Variants in ZBTB46 observed in about 807,000 individuals in gnomAD.
The protein encoded by ZBTB46 is zinc finger and BTB domain-containing protein 46.
ZBTB46 carries 8 observed loss-of-function variants against 44.1 expected under a neutral mutation model. That is an observed-to-expected ratio of 0.18 (90% CI 0.11 to 0.33). The LOEUF is 0.33. Ranked by LOEUF, ZBTB46 falls within the 10% of genes least tolerant of loss-of-function variation. The pLI is 1.00. For missense variants in ZBTB46, 651 were observed against 847.7 expected, an observed-to-expected ratio of 0.77 and a Z score of 2.88; for synonymous variants, 409 against 382.3, an observed-to-expected ratio of 1.07 and a Z score of -0.81.
intron 3 of ZBTB46, among the ~76,000 whole-genome samples, chr20:63,774,916 G>A (rs2092411141): frequency 6.6e-6 from 1 of 152,064 alleles, no homozygotes; most frequent in Admixed American, 6.5e-5. Context: ...TGTTGGCCAA[G>A]ATGGTCTCGA....
intron 1 of ZBTB46, 73 bp from the exon 2 acceptor site, chr20:63,790,863 C>T: frequency 2.1e-6 from 3 of 1,448,624 alleles, no homozygotes; most frequent in Non-Finnish European, 2.7e-6. Context: ...GGGCGGGGCG[C>T]AGGAGGGCCA....
Position 63,790,086 on chromosome 20 carries a change from C to T in ZBTB46, c.672G>A (p.Gly224=). 1 of 1,614,064 alleles carries T rather than the reference C, an allele frequency of 6.2e-7. No homozygotes were observed. The highest frequency in any genetic ancestry group is 1.1e-5 in the South Asian group (1 of 91,080). ...CCTGCTCTTCCTTGATGCGCAGAGG[C>T]CCGTAGCCCACGTCTCCAGGCCATA... ...QPLWPGDVGY[G]PLRIKEEQVS... Residue 224 remains glycine (G), a synonymous_variant, in exon 2 of 5, where the codon GGG becomes GGA. Transcript: ENST00000245663.
chr20:63,820,505 C>T (rs571451744), intron 1 of ZBTB46, among the ~76,000 whole-genome samples: 238 of 151,854 alleles, frequency 1.6e-3, no homozygotes, highest in African/African-American at 5.6e-3. Context: ...GGTGCAATCT[C>T]GGCTCACACA....
intron 1 of ZBTB46, among the ~76,000 whole-genome samples, chr20:63,816,025 AGGTGGGCACAGGTGC>A (rs1333099738): frequency 6.8e-6 from 1 of 147,530 alleles, no homozygotes; most frequent in Non-Finnish European, 1.5e-5. Context: ...CAGTGGGCGC[AGGTGGGCACAGGTGC>A]GGTGGGTGCA....
At chr20:63,764,679 C>G (rs145087811) in intron 3 of ZBTB46, among the ~76,000 whole-genome samples, 1 of 151,128 alleles carries the variant, frequency 6.6e-6, no homozygotes, top group East Asian at 2.0e-4. Flanking sequence ...CTCAGCTCAC[C>G]GCATCCTCCA....
chr20:63,771,299 A>G (rs1428969041), intron 3 of ZBTB46, among the ~76,000 whole-genome samples: 1 of 151,984 alleles, frequency 6.6e-6, no homozygotes, highest in Non-Finnish European at 1.5e-5. Flanking sequence ...ACAAGCTGCA[A>G]TGAGCTGCCC....
At chr20:63,822,791 A>G (rs2092799547) in intron 1 of ZBTB46, among the ~76,000 whole-genome samples, 4 of 152,122 alleles carry the variant, frequency 2.6e-5, no homozygotes, top group Non-Finnish European at 4.4e-5. Flanking sequence ...AGGCAGGATG[A>G]ATGCTTGAGC....
At chr20:63,775,431 C>T (rs1245916792) in intron 3 of ZBTB46, 1 of 437,068 alleles carries the variant, frequency 2.3e-6, no homozygotes, top group Non-Finnish European at 4.0e-6. Context: ...AAGCACTCGG[C>T]TGCTCCCCTG....
At chr20:63,828,635 T>G (rs1299669905) in intron 1 of ZBTB46, among the ~76,000 whole-genome samples, 1 of 152,250 alleles carries the variant, frequency 6.6e-6, no homozygotes, top group Non-Finnish European at 1.5e-5. Flanking sequence ...AGAACGGTAC[T>G]TAGGCAAGAA....
At position 63,747,089 on chromosome 20, in the gene ZBTB46, G is replaced by A. The variant is rs769312528; in HGVS notation, c.1611C>T (p.Asp537=). Residue 537 remains aspartate (D), a synonymous_variant, in exon 5 of 5, where the codon GAC becomes GAT. Transcript: ENST00000245663. ...LFPGDGPYLE[D]PEDPRGEAEE... ...CCGCCTCCCCTCGTGGGTCCTCAGGGTCCTCCAGATAGGGCCCGTCGCCTG... is the reference window on the plus strand; with the variant it reads ...CCGCCTCCCCTCGTGGGTCCTCAGGATCCTCCAGATAGGGCCCGTCGCCTG... 5.6e-6 allele frequency: 9 copies of A among 1,609,374 alleles called. No homozygotes were observed. The East Asian group carries it at 1.6e-4, about 28-fold the overall frequency.
chr20:63,821,245 C>T (rs1415777481), intron 1 of ZBTB46, among the ~76,000 whole-genome samples: 1 of 150,402 alleles, frequency 6.6e-6, no homozygotes, highest in Non-Finnish European at 1.5e-5. Context: ...AACTCCTAAC[C>T]TCAGGATCCA....
At chr20:63,820,250 C>T (rs2092783700) in intron 1 of ZBTB46, among the ~76,000 whole-genome samples, 1 of 152,046 alleles carries the variant, frequency 6.6e-6, no homozygotes, top group African/African-American at 2.4e-5. Flanking sequence ...CCCGCCACCA[C>T]ACCCAGCTAA....
At chr20:63,788,830 CTG>C in intron 2 of ZBTB46, among the ~76,000 whole-genome samples, 1 of 149,446 alleles carries the variant, frequency 6.7e-6, no homozygotes, top group African/African-American at 2.4e-5. Flanking sequence ...CACGGTGAGA[CTG>C]TCTCTTTTTT....
At chr20:63,768,266 A>C in intron 3 of ZBTB46, 8 of 500,590 alleles carry the variant, frequency 1.6e-5, no homozygotes, top group Non-Finnish European at 2.1e-5. Context: ...AAAATCCAAA[A>C]TGTGTGGTTA....
At chr20:63,748,233 G>A (rs1044304449) in intron 4 of ZBTB46, among the ~76,000 whole-genome samples, 5 of 152,246 alleles carry the variant, frequency 3.3e-5, no homozygotes, top group African/African-American at 4.8e-5. Flanking sequence ...CAGTCGTGCT[G>A]TGCCCTGTGC....
At chr20:63,760,857 T>C (rs891199904) in intron 3 of ZBTB46, among the ~76,000 whole-genome samples, 3 of 150,986 alleles carry the variant, frequency 2.0e-5, no homozygotes, top group South Asian at 2.1e-4. Flanking sequence ...AGTGCAATCA[T>C]AGCTCACTGT....
intron 3 of ZBTB46, chr20:63,768,002 A>C (rs1428882535): frequency 4.1e-6 from 4 of 985,324 alleles, no homozygotes; most frequent in Non-Finnish European, 4.8e-6. Flanking sequence ...GAGACAGACA[A>C]GTTACAGACC....
At chr20:63,828,388 T>C (rs1473813351) in intron 1 of ZBTB46, among the ~76,000 whole-genome samples, 3 of 152,258 alleles carry the variant, frequency 2.0e-5, no homozygotes, top group Non-Finnish European at 4.4e-5. Context: ...TCTGTGGCCT[T>C]AATAGAGATT....
chr20:63,801,714 A>G (rs2092647168), intron 1 of ZBTB46, among the ~76,000 whole-genome samples: 1 of 152,140 alleles, frequency 6.6e-6, no homozygotes, highest in Non-Finnish European at 1.5e-5. Flanking sequence ...TGAACATCAG[A>G]AGGAACAAAC....
Sources: allele counts gnomAD v4.1 joint callset (sites outside exome capture counted in the v4.1 genomes callset), GRCh38; gene constraint gnomAD v4.1.1; transcripts MANE v1.5; gene names NCBI Gene and HGNC (gene_info 2026-07-23, HGNC 2026-07-21).